ADGRL3: variants seen among roughly 807,000 people sequenced by gnomAD.
The protein encoded by ADGRL3 is calcium-independent alpha-latrotoxin receptor 3.
In ADGRL3, 62 loss-of-function variants were observed where a neutral mutation model predicts 153.5. That is an observed-to-expected ratio of 0.40 (90% CI 0.33 to 0.50). The LOEUF (loss-of-function observed/expected upper bound fraction) is 0.50, where lower values mean the gene tolerates loss of function less well. ADGRL3 is among the 20% of genes least tolerant of loss of function. The probability of loss-of-function intolerance (pLI) is 0.47; values close to 1 mark genes in which losing one functional copy is unlikely to be tolerated. For missense variants in ADGRL3, 1,641 were observed against 1,859.4 expected (o/e 0.88, Z 2.16); for synonymous variants, 710 against 672.5 (o/e 1.06, Z -0.86).
At chr4:61,774,784 A>G (rs1452358452) in intron 8 of ADGRL3, among the ~76,000 whole-genome samples, 1 of 152,222 alleles carries the variant, frequency 6.6e-6, no homozygotes, top group African/African-American at 2.4e-5. Flanking sequence ...TAATTTATAA[A>G]TTAAACTTTG....
rs1174326511 is a variant in ADGRL3 at position 61,985,125 on chromosome 4, A to G, written c.3236+1522A>G. Among the ~76,000 whole-genome samples the G allele has an allele frequency of 3.3e-5, 5 of 152,270 alleles. No individual in the cohort carries two copies. The East Asian group carries it at 9.7e-4, about 29-fold the overall frequency. On this transcript the variant is annotated intron_variant, in intron 19 of 26. Transcript: ENST00000683033. ...ACTAAAAGTGGTTTTAGAATTTGCA[A>G]AGTCCATGGCACTAATTTTACAGGT...
chr4:61,570,650 CTG>C (rs1015229677), intron 4 of ADGRL3, among the ~76,000 whole-genome samples: 1 of 152,148 alleles, frequency 6.6e-6, no homozygotes, highest in African/African-American at 2.4e-5. Context: ...GGTTTATTTT[CTG>C]TCTCTCACAA....
At chr4:61,585,828 T>A (rs1316794887) in intron 4 of ADGRL3, among the ~76,000 whole-genome samples, 1 of 151,992 alleles carries the variant, frequency 6.6e-6, no homozygotes, top group Non-Finnish European at 1.5e-5. Context: ...TGTATAAAAA[T>A]TAAATATATA....
intron 2 of ADGRL3, among the ~76,000 whole-genome samples, chr4:61,433,627 C>T (rs1036627970): frequency 1.1e-4 from 16 of 151,972 alleles, no homozygotes; most frequent in African/African-American, 3.4e-4. Context: ...CTTGGCTGTT[C>T]GCCCTTTGGA....
intron 2 of ADGRL3, among the ~76,000 whole-genome samples, chr4:61,491,015 A>T (rs1323266957): frequency 6.6e-6 from 1 of 152,136 alleles, no homozygotes; most frequent in Non-Finnish European, 1.5e-5. Flanking sequence ...GCTTTTGCCC[A>T]ATGATGATCA....
At chr4:62,013,042 G>T (rs2099193776) in intron 21 of ADGRL3, among the ~76,000 whole-genome samples, 1 of 152,144 alleles carries the variant, frequency 6.6e-6, no homozygotes, top group Non-Finnish European at 1.5e-5. Context: ...ACAAGAAATT[G>T]ACAGGTTTGG....
At chr4:61,528,909 G>A (rs2098594887) in intron 4 of ADGRL3, among the ~76,000 whole-genome samples, 1 of 152,028 alleles carries the variant, frequency 6.6e-6, no homozygotes, top group South Asian at 2.1e-4. Flanking sequence ...AGAGATACTG[G>A]GACTCAGACA....
chr4:61,295,643 A>G (rs2094384603), intron 1 of ADGRL3, among the ~76,000 whole-genome samples: 2 of 151,990 alleles, frequency 1.3e-5, no homozygotes, highest in African/African-American at 4.8e-5. Flanking sequence ...TTTCTGTATA[A>G]TACTTAGGAA....
intron 9 of ADGRL3, among the ~76,000 whole-genome samples, chr4:61,831,183 C>G (rs2097863904): frequency 1.3e-5 from 2 of 152,040 alleles, no homozygotes; most frequent in South Asian, 4.1e-4. Flanking sequence ...GCCACCACAC[C>G]CGGCCTAGCT....
At chr4:61,882,338 C>T (rs1299507464) in intron 9 of ADGRL3, among the ~76,000 whole-genome samples, 9 of 152,138 alleles carry the variant, frequency 5.9e-5, no homozygotes, top group Non-Finnish European at 1.3e-4. Flanking sequence ...GCCACCGCCA[C>T]GTGTCTTACA....
chr4:61,769,388 C>T lies in ADGRL3; in HGVS notation c.1399+35834C>T, dbSNP rs968125854. 1.4e-4 allele frequency among the ~76,000 whole-genome samples: 22 copies of T among 152,020 alleles called. No individual in the cohort carries two copies. The East Asian group carries it at 2.0e-3, about 13-fold the overall frequency. On this transcript the variant is annotated intron_variant, in intron 8 of 26. Transcript: ENST00000683033. ...GTTGGAGAAGAGAGTAAAAAGAGGC[C>T]GCTTACCGGATTTGAAATTGGTGAG...
At chr4:61,438,464 T>A (rs2097481797) in intron 2 of ADGRL3, among the ~76,000 whole-genome samples, 1 of 151,578 alleles carries the variant, frequency 6.6e-6, no homozygotes, top group Non-Finnish European at 1.5e-5. Flanking sequence ...AGGAAGTACT[T>A]AGTGATAGTA....
At chr4:61,507,489 T>C (rs1010908883) in intron 3 of ADGRL3, among the ~76,000 whole-genome samples, 5 of 152,210 alleles carry the variant, frequency 3.3e-5, no homozygotes, top group Admixed American at 3.3e-4. Flanking sequence ...CATTTGAGCC[T>C]GTTAACATAT....
At chr4:61,610,619 G>A (rs377134091) in intron 5 of ADGRL3, among the ~76,000 whole-genome samples, 1 of 152,082 alleles carries the variant, frequency 6.6e-6, no homozygotes, top group African/African-American at 2.4e-5. Flanking sequence ...ATAGTGAGAC[G>A]GTCAAGTGGC....
chr4:61,748,898 G>T (rs1050893791), intron 8 of ADGRL3, among the ~76,000 whole-genome samples: 22 of 151,104 alleles, frequency 1.5e-4, no homozygotes, highest in South Asian at 6.3e-4. Flanking sequence ...CACAGCAAAA[G>T]AAACTACCAT....
At chr4:61,937,967 G>A (rs1462159363) in intron 15 of ADGRL3, among the ~76,000 whole-genome samples, 3 of 152,062 alleles carry the variant, frequency 2.0e-5, no homozygotes, top group African/African-American at 7.2e-5. Flanking sequence ...ATGTTTCCCA[G>A]GCTGGTCTTG....
At chr4:61,452,877 T>G (rs2097691764) in intron 2 of ADGRL3, among the ~76,000 whole-genome samples, 1 of 152,172 alleles carries the variant, frequency 6.6e-6, no homozygotes, top group Admixed American at 6.6e-5. Context: ...GAATGATTTA[T>G]TATTACTTTT....
intron 1 of ADGRL3, among the ~76,000 whole-genome samples, chr4:61,243,945 C>G (rs1214979780): frequency 1.3e-5 from 2 of 152,020 alleles, no homozygotes; most frequent in Non-Finnish European, 2.9e-5. Flanking sequence ...TCATGAAATA[C>G]TATCCTTAGA....
intron 1 of ADGRL3, among the ~76,000 whole-genome samples, chr4:61,223,842 A>G (rs1331286704): frequency 6.6e-6 from 1 of 152,202 alleles, no homozygotes; most frequent in African/African-American, 2.4e-5. Context: ...CTTCAAGTGA[A>G]GGAATGATTT....
Sources: allele counts gnomAD v4.1 joint callset (sites outside exome capture counted in the v4.1 genomes callset), GRCh38; gene constraint gnomAD v4.1.1; transcripts MANE v1.5; gene names NCBI Gene and HGNC (gene_info 2026-07-23, HGNC 2026-07-21).